GBE1: variants seen among roughly 807,000 people sequenced by gnomAD.
GBE1 encodes 1,4-alpha-glucan branching enzyme 1.
GBE1 carries 70 observed loss-of-function variants against 88.8 expected under a neutral mutation model. That is an observed-to-expected ratio of 0.79 (90% confidence interval 0.65 to 0.96). The LOEUF (loss-of-function observed/expected upper bound fraction) is 0.96. GBE1 is among the 40% of genes least tolerant of loss of function. The probability of loss-of-function intolerance (pLI) is 0.00; values close to 1 mark genes in which losing one functional copy is unlikely to be tolerated. For missense variants in GBE1, 872 were observed against 871.0 expected (o/e 1.00, Z -0.01); for synonymous variants, 284 against 300.1 (o/e 0.95, Z 0.56).
chr3:81,519,052 T>G (rs1702836598), intron 14 of GBE1, among the ~76,000 whole-genome samples: 1 of 151,596 alleles, frequency 6.6e-6, no homozygotes, highest in African/African-American at 2.4e-5. Flanking sequence ...TCCTTTGTTT[T>G]TATTTGTTGC....
intron 1 of GBE1, among the ~76,000 whole-genome samples, chr3:81,759,286 T>C (rs1706644954): frequency 6.6e-6 from 1 of 152,184 alleles, no homozygotes; most frequent in African/African-American, 2.4e-5. Flanking sequence ...TGGGGAAGGA[T>C]GAGACAGTCC....
intron 1 of GBE1, among the ~76,000 whole-genome samples, chr3:81,742,817 A>T (rs1260351082): frequency 6.6e-6 from 1 of 152,144 alleles, no homozygotes; most frequent in African/African-American, 2.4e-5. Context: ...CACAAATTAC[A>T]ATCTTCTTCA....
intron 3 of GBE1, among the ~76,000 whole-genome samples, chr3:81,669,050 A>G (rs1705153137): frequency 6.6e-6 from 1 of 152,240 alleles, no homozygotes; most frequent in Non-Finnish European, 1.5e-5. Context: ...AAATATGAAT[A>G]AATAGAACTC....
intron 3 of GBE1, among the ~76,000 whole-genome samples, chr3:81,664,591 A>AT (rs1705084693): frequency 6.6e-6 from 1 of 152,196 alleles, no homozygotes; most frequent in Non-Finnish European, 1.5e-5. Context: ...TTATTTTTAT[A>AT]TAATAACTCA....
chr3:81,715,316 G>T (rs1012914332), intron 1 of GBE1, among the ~76,000 whole-genome samples: 1 of 152,186 alleles, frequency 6.6e-6, no homozygotes, highest in African/African-American at 2.4e-5. Flanking sequence ...TGATGACCCA[G>T]TGGAGACCGC....
intron 1 of GBE1, among the ~76,000 whole-genome samples, chr3:81,737,697 T>C (rs1260415475): frequency 3.3e-5 from 5 of 151,640 alleles, no homozygotes. Flanking sequence ...TCATTTTTGT[T>C]GAATTTTATG....
At chr3:81,545,555 A>T (rs1457718810) in intron 12 of GBE1, among the ~76,000 whole-genome samples, 1 of 151,958 alleles carries the variant, frequency 6.6e-6, no homozygotes, top group African/African-American at 2.4e-5. Flanking sequence ...AGTCTATCAC[A>T]GCCTCCCTTT....
At position 81,611,030 on chromosome 3, in the gene GBE1, ACT is replaced by A. The variant is rs1328243562; in HGVS notation, c.993-17009_993-17008del. 1.6e-4 allele frequency among the ~76,000 whole-genome samples: 24 copies of A among 151,972 alleles called. No homozygotes were observed. In the South Asian group the frequency reaches 2.5e-3, roughly 16 times the overall value. ...AAAAAAAAAAAGTAATCTTTATAGT[ACT>A]CTCAATGGAGATTAAGTCAGGTTAG... On this transcript the variant is annotated intron_variant, in intron 7 of 15. Transcript: ENST00000429644.
intron 14 of GBE1, among the ~76,000 whole-genome samples, chr3:81,515,090 T>C (rs930065778): frequency 6.6e-6 from 1 of 151,610 alleles, no homozygotes; most frequent in Non-Finnish European, 1.5e-5. Context: ...AGGCCAATGA[T>C]ACTACTGCAC....
At chr3:81,717,487 G>C (rs1383152299) in intron 1 of GBE1, among the ~76,000 whole-genome samples, 1 of 152,150 alleles carries the variant, frequency 6.6e-6, no homozygotes, top group Non-Finnish European at 1.5e-5. Flanking sequence ...GTTTCAAAGT[G>C]ATGATGCTTA....
At chr3:81,668,362 A>C (rs542554657) in intron 3 of GBE1, among the ~76,000 whole-genome samples, 60 of 152,306 alleles carry the variant, frequency 3.9e-4, no homozygotes, top group African/African-American at 1.4e-3. Flanking sequence ...AATGAAAATA[A>C]AGCTATATTA....
intron 7 of GBE1, among the ~76,000 whole-genome samples, chr3:81,594,263 A>G (rs1010455233): frequency 6.6e-6 from 1 of 152,076 alleles, no homozygotes; most frequent in African/African-American, 2.4e-5. Flanking sequence ...ATCTAAGAAA[A>G]TTTAGGGAAA....
chr3:81,541,460 C>CT (rs1559639139), intron 12 of GBE1, among the ~76,000 whole-genome samples: 3 of 142,432 alleles, frequency 2.1e-5, no homozygotes, highest in African/African-American at 5.4e-5. Flanking sequence ...GCCCCCCCCG[C>CT]CACCTCGCCC....
At chr3:81,737,557 G>A (rs887606998) in intron 1 of GBE1, among the ~76,000 whole-genome samples, 1 of 150,468 alleles carries the variant, frequency 6.6e-6, no homozygotes, top group African/African-American at 2.4e-5. Context: ...GATAACATAA[G>A]TACTGAAATT....
chr3:81,613,965 T>G (rs1576170284), intron 7 of GBE1, among the ~76,000 whole-genome samples: 1 of 151,410 alleles, frequency 6.6e-6, no homozygotes, highest in Admixed American at 6.6e-5. Context: ...TTAAAACTAC[T>G]GATAGCATTC....
At chr3:81,581,808 T>A (rs1309998227) in intron 10 of GBE1, among the ~76,000 whole-genome samples, 1 of 152,090 alleles carries the variant, frequency 6.6e-6, no homozygotes, top group Non-Finnish European at 1.5e-5. Context: ...GCATTTCAAT[T>A]TCTAGTCGGT....
chr3:81,649,552 A>C (rs1180403111), intron 4 of GBE1, among the ~76,000 whole-genome samples: 4 of 152,114 alleles, frequency 2.6e-5, no homozygotes, highest in Non-Finnish European at 5.9e-5. Flanking sequence ...AGTATATAGC[A>C]ATTTAGTATT....
chr3:81,662,102 G>A (rs937076839), intron 3 of GBE1, among the ~76,000 whole-genome samples: 2 of 151,930 alleles, frequency 1.3e-5, no homozygotes, highest in South Asian at 2.1e-4. Flanking sequence ...GCACAATCTC[G>A]GCTCACCGCA....
At chr3:81,631,039 C>T (rs1487575171) in intron 7 of GBE1, among the ~76,000 whole-genome samples, 1 of 151,598 alleles carries the variant, frequency 6.6e-6, no homozygotes, top group East Asian at 1.9e-4. Flanking sequence ...CCCATCTCTA[C>T]AAAAAATAAA....
Sources: allele counts gnomAD v4.1 joint callset (sites outside exome capture counted in the v4.1 genomes callset), GRCh38; gene constraint gnomAD v4.1.1; transcripts MANE v1.5; gene names NCBI Gene and HGNC (gene_info 2026-07-23, HGNC 2026-07-21).